The following FERMT1 variants were observed in gnomAD, a reference collection of about 807,000 sequenced individuals.
FERMT1 encodes FERM domain containing kindlin 1.
Under a neutral mutation model 85.3 loss-of-function variants are expected in FERMT1, and 60 were observed. The ratio of observed to expected loss-of-function variants is 0.70; its 90% CI spans 0.57 to 0.87. The LOEUF (loss-of-function observed/expected upper bound fraction) is 0.87, where lower values mean the gene tolerates loss of function less well. Among genes scored for constraint, FERMT1 ranks in the 40% least tolerant of loss-of-function variants. The pLI is 0.00. For synonymous variants in FERMT1, 275 were observed against 301.1 expected (o/e 0.91, Z 0.90); for missense variants, 701 against 818.9 (o/e 0.86, Z 1.76).
chr20:6,093,245 C>G (rs1206788682), intron 9 of FERMT1, among the ~76,000 whole-genome samples: 4 of 152,162 alleles, frequency 2.6e-5, no homozygotes, highest in African/African-American at 9.7e-5. Context: ...CTCTTCCCTC[C>G]TACGAGCTCT....
chr20:6,085,414 G>T, intron 11 of FERMT1, 127 bp from the exon 12 acceptor site: 1 of 804,568 alleles, frequency 1.2e-6, no homozygotes. Context: ...ATGTGAAGTG[G>T]CACACGTTGT....
chr20:6,089,771 A>AT (rs1157141831), intron 9 of FERMT1, among the ~76,000 whole-genome samples: 2 of 152,186 alleles, frequency 1.3e-5, no homozygotes, highest in African/African-American at 4.8e-5. Flanking sequence ...CAGCTGTGGT[A>AT]TTGGTATCTG....
At position 6,083,908 on chromosome 20, in the gene FERMT1, C is replaced by A. The variant is rs896615634; in HGVS notation, c.1718+132G>T. ...TTATGAGCAGCCCAAAGTGTCAGGA[C>A]TATTTATAAAAGGGCAATATTCTCA... On this transcript the variant is annotated intron_variant, in intron 13 of 14. Coordinates refer to ENST00000217289, the MANE Select transcript of FERMT1 (RefSeq NM_017671.5). 4.8e-6 allele frequency: 5 copies of A among 1,044,828 alleles called. No individual in the cohort carries two copies. The Middle Eastern group carries it at 6.2e-4, about 129-fold the overall frequency. The allele number at this position is 1,044,828 out of a possible 1,614,324, so 64.7% of individuals were successfully genotyped here.
At chr20:6,102,680 A>G (rs1260711390) in intron 6 of FERMT1, among the ~76,000 whole-genome samples, 2 of 64,412 alleles carry the variant, frequency 3.1e-5, no homozygotes, top group African/African-American at 6.3e-5. Context: ...GTGTCTCAAG[A>G]AAAAAAAAAA....
intron 12 of FERMT1, 57 bp downstream of exon 12, chr20:6,085,009 T>C: frequency 6.6e-7 from 1 of 1,517,354 alleles, no homozygotes; most frequent in South Asian, 1.1e-5. Context: ...CCTCCTTTTA[T>C]TTCTGTTTGC....
At chr20:6,084,627 G>C (rs896967966) in intron 12 of FERMT1, among the ~76,000 whole-genome samples, 1 of 151,812 alleles carries the variant, frequency 6.6e-6, no homozygotes, top group East Asian at 1.9e-4. Context: ...CTAATATTCA[G>C]GACATAGTCA....
At chr20:6,108,272 AT>A (rs1204154823) in intron 5 of FERMT1, among the ~76,000 whole-genome samples, 1 of 151,892 alleles carries the variant, frequency 6.6e-6, no homozygotes, top group Admixed American at 6.6e-5. Flanking sequence ...AAATTCTGAA[AT>A]TCAAAACACT....
At chr20:6,119,236 C>T (rs1045664695) in intron 2 of FERMT1, among the ~76,000 whole-genome samples, 168 bp downstream of exon 2, 1 of 152,162 alleles carries the variant, frequency 6.6e-6, no homozygotes, top group African/African-American at 2.4e-5. Context: ...GTGTGAGCCA[C>T]GGCACCCAGC....
intron 9 of FERMT1, among the ~76,000 whole-genome samples, chr20:6,093,633 G>A (rs1335959391): frequency 1.3e-5 from 2 of 152,144 alleles, no homozygotes; most frequent in East Asian, 3.9e-4. Context: ...AGTGAAATGT[G>A]GTTACAACCA....
At position 6,076,020 on chromosome 20, in the gene FERMT1, CAG is replaced by C. The variant is rs1380375796; in HGVS notation, c.*1151_*1152del. On this transcript the variant is annotated 3_prime_UTR_variant, in exon 15 of 15. Coordinates refer to ENST00000217289, the MANE Select transcript of FERMT1 (RefSeq NM_017671.5). ...AAGGCAGAGATGACACAGCAAAAAA[CAG>C]AGGGGGAGAAAAAAGTCTATTATTG... The C allele has an allele frequency of 6.4e-6, 1 of 155,306 alleles. No homozygotes were observed. Among genetic ancestry groups the C allele is most frequent in the Non-Finnish European group, 1.4e-5 (1 of 70,060 alleles). 9.6% of individuals were successfully genotyped at this position (155,306 alleles called of 1,614,324 possible). A position where few individuals can be genotyped will look rare whatever the true frequency, so the allele number is the denominator to read the frequency against.
chr20:6,100,145 A>G (rs917301318), intron 6 of FERMT1, among the ~76,000 whole-genome samples: 2 of 152,226 alleles, frequency 1.3e-5, no homozygotes, highest in African/African-American at 4.8e-5. Flanking sequence ...AAATGTATAC[A>G]TGAATATTCA....
chr20:6,080,068 T>G (rs1027389808), intron 13 of FERMT1, among the ~76,000 whole-genome samples: 1 of 152,086 alleles, frequency 6.6e-6, no homozygotes, highest in African/African-American at 2.4e-5. Flanking sequence ...TGACATTTGA[T>G]CAAAAAATGG....
intron 13 of FERMT1, among the ~76,000 whole-genome samples, chr20:6,082,549 C>G (rs1429768758): frequency 6.6e-6 from 1 of 152,238 alleles, no homozygotes; most frequent in East Asian, 1.9e-4. Flanking sequence ...CGCTTCCTCA[C>G]TCCTTTGTTG....
Position 6,077,050 on chromosome 20 carries a change from A to T in FERMT1, c.*123T>A. 1.0e-6 allele frequency: 1 copy of T among 977,322 alleles called. No homozygotes were observed. The highest frequency in any genetic ancestry group is 1.6e-6 in the Non-Finnish European group (1 of 610,430). 60.5% of individuals were successfully genotyped at this position (977,322 alleles called of 1,614,324 possible). A position where few individuals can be genotyped will look rare whatever the true frequency, so the allele number is the denominator to read the frequency against. On this transcript the variant is annotated 3_prime_UTR_variant, in exon 15 of 15. Transcript: ENST00000217289. The stretch of plus-strand genomic sequence containing the variant: ...GTGGGTTTGAATGAGGATCTGGGTG[A>T]CCAGCGGTGAATGTATGTTGTCTGT...
In FERMT1 at chr20:6,119,533, T is replaced by C. The variant is rs776284106; in HGVS notation, c.22A>G (p.Thr8Ala). Residue 8 changes from threonine (T) to alanine (A), a missense_variant, in exon 2 of 15, where the codon ACA becomes GCA. Physicochemically the swap from Thr to Ala is moderately conservative, Grantham distance 58. Coordinates refer to ENST00000217289, the MANE Select transcript of FERMT1 (RefSeq NM_017671.5). MLSSTDF[T>A]FASWELVVRV... ...ACCACAAGCTCCCAGGAAGCAAATG[T>C]AAAGTCAGTGGATGACAGCATTGTG... 16 of 1,614,010 alleles carry C rather than the reference T, an allele frequency of 9.9e-6. No individual in the cohort carries two copies.
rs749230193 is a variant in FERMT1 at position 6,116,004 on chromosome 20, T to G, written c.192A>C (p.Glu64Asp). The G allele has an allele frequency of 1.2e-6, 2 of 1,614,136 alleles. No homozygotes were observed. Among genetic ancestry groups the G allele is most frequent in the African/African-American group, 2.7e-5 (2 of 75,034 alleles). ...QDWSDFALWW[E>D]QKHCWLLKTH... Reference sequence around the variant, plus strand: ...TTTTCAGAAGCCAGCAATGCTTCTGTTCCCACCAAAGAGCAAAGTCTGACC... The same window carrying G: ...TTTTCAGAAGCCAGCAATGCTTCTGGTCCCACCAAAGAGCAAAGTCTGACC... Residue 64 changes from glutamate (E) to aspartate (D), a missense_variant, in exon 3 of 15, where the codon GAA becomes GAC. Physicochemically the swap from Glu to Asp is conservative, Grantham distance 45. Transcript: ENST00000217289.
At position 6,118,946 on chromosome 20, in the gene FERMT1, GTT is replaced by G. The variant is rs528959334; in HGVS notation, c.151+456_151+457del. Among the ~76,000 whole-genome samples the G allele has an allele frequency of 6.8e-3, 990 of 144,638 alleles. 9 individuals are homozygous for G. Among genetic ancestry groups the G allele is most frequent in the South Asian group, 0.033 (147 of 4,466 alleles). The allele number at this position is 144,638 out of a possible 152,430, so 94.9% of individuals were successfully genotyped here. On this transcript the variant is annotated intron_variant, in intron 2 of 14. Coordinates refer to ENST00000217289, the MANE Select transcript of FERMT1 (RefSeq NM_017671.5). ...TTTAGCTTGCCACCAAAGACTCAAG[GTT>G]TTTTTTTTTTTTCCCCCGACACCGA...
chr20:6,105,685 A>G (rs1982777439), intron 6 of FERMT1, among the ~76,000 whole-genome samples: 1 of 152,232 alleles, frequency 6.6e-6, no homozygotes, highest in African/African-American at 2.4e-5. Context: ...TATGTATTTT[A>G]TCTCATTAAT....
intron 6 of FERMT1, among the ~76,000 whole-genome samples, chr20:6,102,326 T>C (rs1982679303): frequency 1.3e-5 from 2 of 152,030 alleles, no homozygotes; most frequent in South Asian, 4.2e-4. Flanking sequence ...TAGAAACAAA[T>C]TTTTTCCTTG....
Sources: gnomAD v4.1 joint callset for allele counts (sites outside exome capture counted in the v4.1 genomes callset) on GRCh38, gnomAD v4.1.1 for gene constraint, MANE v1.5 for transcripts, NCBI Gene and HGNC (gene_info 2026-07-23, HGNC 2026-07-21) for gene names.